WDR37: variants seen among roughly 807,000 people sequenced by gnomAD.
WDR37 encodes the protein WD repeat-containing protein 37.
In WDR37, 19 loss-of-function variants were observed where a neutral mutation model predicts 62.9. That is an observed-to-expected ratio of 0.30 (90% CI 0.21 to 0.44). WDR37 has a LOEUF of 0.44. WDR37 is among the 20% of genes least tolerant of loss of function. WDR37 has a pLI of 1.00. For synonymous variants in WDR37, 250 were observed against 260.9 expected (o/e 0.96, Z 0.40); for missense variants, 474 against 657.6 (o/e 0.72, Z 3.05).
At chr10:1,093,559 T>C in intron 8 of WDR37, 63 bp downstream of exon 8, 1 of 1,307,080 alleles carries the variant, frequency 7.7e-7, no homozygotes, top group Non-Finnish European at 1.1e-6. Flanking sequence ...CTATAAATAT[T>C]CCTTTCTTAT....
chr10:1,126,294 T>C (rs1307747172), intron 13 of WDR37, among the ~76,000 whole-genome samples: 1 of 151,302 alleles, frequency 6.6e-6, no homozygotes, highest in Admixed American at 6.6e-5. Flanking sequence ...TAGTCCCAGC[T>C]ACTCGGGAGG....
chr10:1,118,760 G>A (rs547491771), intron 11 of WDR37, among the ~76,000 whole-genome samples: 16 of 152,218 alleles, frequency 1.1e-4, no homozygotes, highest in Non-Finnish European at 2.1e-4. Context: ...GTGTGTAAGA[G>A]AGGGACATAC....
intron 11 of WDR37, among the ~76,000 whole-genome samples, chr10:1,119,753 A>C (rs1056488281): frequency 6.6e-6 from 1 of 152,230 alleles, no homozygotes; most frequent in African/African-American, 2.4e-5. Context: ...TCTTCTGCAC[A>C]CTGTCTGACG....
At chr10:1,072,690 TA>T (rs11320940) in intron 2 of WDR37, among the ~76,000 whole-genome samples, 148,724 of 151,798 alleles carry the variant, frequency 0.98, 72,904 homozygotes, top group Middle Eastern at 1. Flanking sequence ...GTCTCCAAAG[TA>T]AAAAAAAAAG....
In WDR37 at chr10:1,129,608, A is replaced by G; in HGVS notation, c.*264A>G. 1 of 377,392 alleles carries G rather than the reference A, an allele frequency of 2.6e-6. No individual in the cohort carries two copies. The allele number at this position is 377,392 out of a possible 1,614,324, so 23.4% of individuals were successfully genotyped here. ...GCTCACCTCCCATGTAGCACATGAA[A>G]TGCTTGTGAGTTGTTGACATTGGAC... On this transcript the variant is annotated 3_prime_UTR_variant, in exon 14 of 14. Coordinates refer to ENST00000263150, the MANE Select transcript of WDR37 (RefSeq NM_014023.4).
At position 1,103,125 on chromosome 10, in the gene WDR37, A is replaced by G. The variant is rs542887857; in HGVS notation, c.727-477A>G. 2.0e-5 allele frequency among the ~76,000 whole-genome samples: 3 copies of G among 152,360 alleles called. No homozygotes were observed. In the East Asian group the frequency reaches 5.8e-4, roughly 29 times the overall value. On this transcript the variant is annotated intron_variant, in intron 9 of 13. Transcript: ENST00000263150. The surrounding 1 kb of genome is among the most constrained non-coding windows in gnomAD (Gnocchi z 6.3). ...CCTTTGACAGGGGGCTTGATGTTAC[A>G]AAGGAAAATAGACTCTTATGACTAT...
intron 9 of WDR37, 85 bp downstream of exon 9, chr10:1,096,331 G>T (rs1834574765): frequency 6.9e-7 from 1 of 1,450,566 alleles, no homozygotes; most frequent in African/African-American, 1.4e-5. Flanking sequence ...GTCATGGACG[G>T]AATGTTTGTG....
At chr10:1,102,518 G>A (rs1834858104) in intron 9 of WDR37, among the ~76,000 whole-genome samples, 1 of 152,142 alleles carries the variant, frequency 6.6e-6, no homozygotes, top group Non-Finnish European at 1.5e-5. Flanking sequence ...CAGGGAGCTT[G>A]GAGCTTTCAC....
intron 13 of WDR37, among the ~76,000 whole-genome samples, chr10:1,128,959 G>A (rs918177159): frequency 4.7e-5 from 7 of 149,966 alleles, no homozygotes; most frequent in African/African-American, 1.7e-4. Context: ...CTCGGCGGTG[G>A]TTGGTGCTCG....
chr10:1,080,627 TG>T, intron 5 of WDR37, 151 bp downstream of exon 5: 1 of 871,896 alleles, frequency 1.1e-6, no homozygotes, highest in East Asian at 2.7e-5. Flanking sequence ...ATGTCCTGGC[TG>T]GGCATGGTGG....
chr10:1,069,370 A>AATATATAT lies in WDR37; in HGVS notation c.-40-2733_-40-2726dup, dbSNP rs1351085134. On this transcript the variant is annotated intron_variant, in intron 1 of 13. Transcript: ENST00000263150. ...TAGTAATAGTAAAAAAATTGGAAAGAATATATATATATATATATATTTTTT... is the reference window on the plus strand; with the variant it reads ...TAGTAATAGTAAAAAAATTGGAAAGAATATATATATATATATATATATATATATTTTTT... Among the ~76,000 whole-genome samples the AATATATAT allele has an allele frequency of 1.1e-3, 88 of 81,400 alleles. 2 individuals carry two copies. Among genetic ancestry groups the AATATATAT allele is most frequent in the African/African-American group, 3.4e-3 (69 of 20,186 alleles). 53.4% of individuals were successfully genotyped at this position (81,400 alleles called of 152,430 possible). A position where few individuals can be genotyped will look rare whatever the true frequency, so the allele number is the denominator to read the frequency against.
Position 1,103,688 on chromosome 10 carries a change from C to A in WDR37, c.813C>A (p.Arg271=), listed in dbSNP as rs767737606. 1.2e-6 allele frequency: 2 copies of A among 1,614,244 alleles called. No homozygotes were observed. Among genetic ancestry groups the A allele is most frequent in the Non-Finnish European group, 1.7e-6 (2 of 1,180,042 alleles). ...GDVSSDCPTI[R]VPLTSLKSHQ... ...TGTCCAGCGACTGCCCCACCATCCG[C>A]GTCCCACTGACATCCCTCAAGAGCC... Residue 271 remains arginine (R), a synonymous_variant, in exon 10 of 14, where the codon CGC becomes CGA. Coordinates refer to ENST00000263150, the MANE Select transcript of WDR37 (RefSeq NM_014023.4). The surrounding 1 kb of genome is among the most constrained non-coding windows in gnomAD (Gnocchi z 6.3).
chr10:1,062,629 T>C (rs1833410236), intron 1 of WDR37, among the ~76,000 whole-genome samples: 1 of 152,218 alleles, frequency 6.6e-6, no homozygotes, highest in Admixed American at 6.5e-5. Context: ...GTAACTGTTT[T>C]ATGTTGTAAA....
At chr10:1,127,742 C>T (rs554405884) in intron 13 of WDR37, among the ~76,000 whole-genome samples, 303 of 152,000 alleles carry the variant, frequency 2.0e-3, no homozygotes, top group African/African-American at 7.0e-3. Context: ...TGTGAGGGTC[C>T]CTGTGATGTG....
rs571026631 is a variant in WDR37 at position 1,128,336 on chromosome 10, T to G, written c.1354-877T>G. On this transcript the variant is annotated intron_variant, in intron 13 of 13. Coordinates refer to ENST00000263150, the MANE Select transcript of WDR37 (RefSeq NM_014023.4). ...TGCAGATGGGTGCTAAGGCACTGCT[T>G]ACAGATATTCTAAGTGTTGGCTAAG... is the stretch of plus-strand genomic sequence containing the variant. Among the ~76,000 whole-genome samples the G allele has an allele frequency of 5.3e-5, 8 of 152,372 alleles. No individual in the cohort carries two copies. In the South Asian group the frequency reaches 1.7e-3, roughly 32 times the overall value.
At chr10:1,115,854 CTG>C (rs1441015085) in intron 11 of WDR37, among the ~76,000 whole-genome samples, 13 of 152,188 alleles carry the variant, frequency 8.5e-5, no homozygotes, top group Admixed American at 5.2e-4. Context: ...GGAAGGGCCT[CTG>C]GGGCGGAAGT....
chr10:1,057,373 C>T (rs1833224048), intron 1 of WDR37, among the ~76,000 whole-genome samples: 1 of 151,132 alleles, frequency 6.6e-6, no homozygotes, highest in Non-Finnish European at 1.5e-5. Flanking sequence ...GCCCCCTTTG[C>T]TTCGGCCTGG....
At chr10:1,079,311 C>T (rs1163127160) in intron 3 of WDR37, among the ~76,000 whole-genome samples, 1 of 151,926 alleles carries the variant, frequency 6.6e-6, no homozygotes, top group African/African-American at 2.4e-5. Context: ...TCTTGAACCC[C>T]TGGCCTCAAG....
intron 5 of WDR37, among the ~76,000 whole-genome samples, chr10:1,083,378 G>A (rs1381254771): frequency 2.0e-5 from 3 of 152,200 alleles, no homozygotes; most frequent in African/African-American, 7.2e-5. Context: ...CGAGGGTGCG[G>A]ACCCAAATCC....
Sources: allele counts gnomAD v4.1 joint callset (sites outside exome capture counted in the v4.1 genomes callset), GRCh38; gene constraint gnomAD v4.1.1; non-coding constraint Gnocchi (gnomAD v3.1); transcripts MANE v1.5; gene names NCBI Gene and HGNC (gene_info 2026-07-23, HGNC 2026-07-21).